RFX7: variants seen among roughly 807,000 people sequenced by gnomAD.
RFX7 encodes DNA-binding protein RFX7.
RFX7 carries 26 observed loss-of-function variants against 111.8 expected under a neutral mutation model. The observed-to-expected ratio is 0.23, with a 90% CI of 0.17 to 0.32. The LOEUF (loss-of-function observed/expected upper bound fraction) is 0.32. RFX7 is among the 10% of genes least tolerant of loss of function. The pLI is 1.00. For synonymous variants in RFX7, 624 were observed against 624.4 expected (o/e 1.00, Z 0.01); for missense variants, 1,573 against 1,772.9 (o/e 0.89, Z 2.02).
chr15:56,168,495 T>C (rs1230115556), intron 3 of RFX7, among the ~76,000 whole-genome samples: 1 of 152,220 alleles, frequency 6.6e-6, no homozygotes. Context: ...AAGCTGGCGA[T>C]AGCATAGTAC....
chr15:56,099,240 C>T (rs958219229), intron 8 of RFX7, among the ~76,000 whole-genome samples: 4 of 152,084 alleles, frequency 2.6e-5, no homozygotes, highest in Admixed American at 2.6e-4. Flanking sequence ...GTACACCTTG[C>T]CCTTTCTTTT....
In RFX7 at chr15:56,094,683, G is replaced by T. The variant is rs745436008; in HGVS notation, c.3045C>A (p.Pro1015=). The T allele has an allele frequency of 2.5e-6, 4 of 1,613,608 alleles. No individual in the cohort carries two copies. Among genetic ancestry groups the T allele is most frequent in the Non-Finnish European group, 2.5e-6 (3 of 1,179,776 alleles). ...PHSNCSSSVP[P]SPVECRNPFA... ...ACGGATTCCTGCATTCAACAGGGCT[G>T]GGGGGGACACTACTGCTGCAGTTAG... Residue 1015 remains proline (P), a synonymous_variant, in exon 10 of 10, where the codon CCC becomes CCA. Transcript: ENST00000559447.
intron 2 of RFX7, among the ~76,000 whole-genome samples, chr15:56,240,877 T>A (rs569385181): frequency 2.6e-5 from 4 of 152,164 alleles, no homozygotes; most frequent in Non-Finnish European, 5.9e-5. Context: ...TATATACTAT[T>A]TCTTAGGAAT....
rs570959894 is a variant in RFX7, at chr15:56,141,990, G to A, written c.401+788C>T. 3.0e-4 allele frequency among the ~76,000 whole-genome samples: 45 copies of A among 151,862 alleles called. 1 individual carries two copies. In the South Asian group the frequency reaches 8.5e-3, roughly 29 times the overall value. ...AATCTCAATAAGTACAATTTCCTTC[G>A]CATTACCTTACACTGGTTAGCAATA... On this transcript the variant is annotated intron_variant, in intron 5 of 9. Coordinates refer to ENST00000559447, the MANE Select transcript of RFX7 (RefSeq NM_022841.7).
intron 5 of RFX7, among the ~76,000 whole-genome samples, chr15:56,125,980 A>G (rs2042140135): frequency 6.6e-6 from 1 of 152,132 alleles, no homozygotes; most frequent in African/African-American, 2.4e-5. Context: ...TTCATAGTTT[A>G]TGCTTTTTAC....
At chr15:56,132,212 A>G (rs1302767108) in intron 5 of RFX7, among the ~76,000 whole-genome samples, 3 of 152,104 alleles carry the variant, frequency 2.0e-5, no homozygotes, top group Non-Finnish European at 2.9e-5. Context: ...TTTTAAAATC[A>G]GAAAACTGAT....
At position 56,094,211 on chromosome 15, in the gene RFX7, G is replaced by A. The variant is rs367881364; in HGVS notation, c.3517C>T (p.Arg1173Cys). ...GTGCTTCCACTAAGATTACGTTGGC[G>A]ATGAACAGCAGGGCTCACACTCCGG... ...RCRSVSPAVH[R>C]QRNLSGSTLY... The change falls in exon 10 of 10, where the codon CGC (arginine) becomes TGC (cysteine). Residue 1173 changes from arginine (R) to cysteine (C), a missense_variant. By Grantham distance (180) the Arg-to-Cys change is radical. Transcript: ENST00000559447. 13 of 1,613,860 alleles carry A rather than the reference G, an allele frequency of 8.1e-6. No individual in the cohort carries two copies. The highest frequency in any genetic ancestry group is 1.1e-5 in the Non-Finnish European group (13 of 1,179,870).
chr15:56,123,788 A>C (rs2042107320), intron 5 of RFX7, among the ~76,000 whole-genome samples: 1 of 152,140 alleles, frequency 6.6e-6, no homozygotes, highest in South Asian at 2.1e-4. Flanking sequence ...GCTGGTCTGA[A>C]TGCTCTTTCC....
intron 3 of RFX7, among the ~76,000 whole-genome samples, chr15:56,158,311 G>A (rs749385754): frequency 2.3e-4 from 35 of 152,032 alleles, no homozygotes; most frequent in South Asian, 2.1e-4. Flanking sequence ...AAAACACAGC[G>A]ACAAAATGCT....
At chr15:56,141,656 A>AATATATATATATATATAT (rs368258249) in intron 5 of RFX7, among the ~76,000 whole-genome samples, 1,039 of 83,068 alleles carry the variant, frequency 0.013, 85 homozygotes, top group African/African-American at 0.028. Flanking sequence ...GCTTACTCTA[A>AATATATATATATATATAT]ATATATATAT....
intron 2 of RFX7, among the ~76,000 whole-genome samples, chr15:56,189,356 GACA>G (rs1357262528): frequency 6.6e-6 from 1 of 151,636 alleles, no homozygotes; most frequent in East Asian, 1.9e-4. Context: ...ATTCACCCAG[GACA>G]ACAGAACAAG....
intron 5 of RFX7, among the ~76,000 whole-genome samples, chr15:56,118,100 T>C (rs1385786493): frequency 6.6e-6 from 1 of 152,144 alleles, no homozygotes; most frequent in Non-Finnish European, 1.5e-5. Flanking sequence ...GTATATGGGA[T>C]ACTCTGATAT....
Position 56,217,523 on chromosome 15 carries a change from C to T in RFX7, c.161+25602G>A, listed in dbSNP as rs78969208. On this transcript the variant is annotated intron_variant, in intron 2 of 9. Transcript: ENST00000559447. ...TTGTGTGATTGCTTTCTCTTGATGTCATAAAGGAATGCATGTACTATTATA... is the reference window on the plus strand; with the variant it reads ...TTGTGTGATTGCTTTCTCTTGATGTTATAAAGGAATGCATGTACTATTATA... Among the ~76,000 whole-genome samples the T allele has an allele frequency of 4.1e-4, 62 of 151,132 alleles. No individual in the cohort carries two copies. The East Asian group carries it at 8.0e-3, about 19-fold the overall frequency.
At chr15:56,104,627 T>C (rs1278091728) in intron 5 of RFX7, among the ~76,000 whole-genome samples, 2 of 152,238 alleles carry the variant, frequency 1.3e-5, no homozygotes, top group Non-Finnish European at 2.9e-5. Context: ...CTGAATGTCC[T>C]GATAACATCC....
chr15:56,156,306 T>C (rs995593260), intron 3 of RFX7, among the ~76,000 whole-genome samples: 1 of 152,122 alleles, frequency 6.6e-6, no homozygotes, highest in Non-Finnish European at 1.5e-5. Context: ...AAATTAAAAC[T>C]ACAAAGTATT....
chr15:56,173,343 A>G (rs2042866050), intron 3 of RFX7, among the ~76,000 whole-genome samples: 1 of 152,226 alleles, frequency 6.6e-6, no homozygotes, highest in South Asian at 2.1e-4. Context: ...AGAAGAACAA[A>G]CTTCAATACA....
intron 2 of RFX7, among the ~76,000 whole-genome samples, chr15:56,182,070 T>C (rs891726747): frequency 4.6e-5 from 7 of 152,224 alleles, no homozygotes; most frequent in African/African-American, 1.4e-4. Context: ...CACTATCTAG[T>C]TGCAGAAAAA....
chr15:56,089,472 G>C lies in RFX7; in HGVS notation c.*3873C>G, dbSNP rs1194055243. The C allele has an allele frequency of 1.3e-5, 2 of 152,156 alleles. No homozygotes were observed. The highest frequency in any genetic ancestry group is 4.8e-5 in the African/African-American group (2 of 41,416). 9.4% of individuals were successfully genotyped at this position (152,156 alleles called of 1,614,324 possible). A position where few individuals can be genotyped will look rare whatever the true frequency, so the allele number is the denominator to read the frequency against. ...TAAGCTAAAAGTAAGTGTCCTTATGGTTTAAGCCAGTGTTGGGTTTTCAAT... is the reference window on the plus strand; with the variant it reads ...TAAGCTAAAAGTAAGTGTCCTTATGCTTTAAGCCAGTGTTGGGTTTTCAAT... On this transcript the variant is annotated 3_prime_UTR_variant, in exon 10 of 10. Transcript: ENST00000559447.
At chr15:56,122,628 T>G (rs1278342893) in intron 5 of RFX7, among the ~76,000 whole-genome samples, 1 of 152,128 alleles carries the variant, frequency 6.6e-6, no homozygotes, top group African/African-American at 2.4e-5. Flanking sequence ...GGGTTGTGAG[T>G]TGCCCCAGAC....
Sources: allele counts gnomAD v4.1 joint callset (sites outside exome capture counted in the v4.1 genomes callset), GRCh38; gene constraint gnomAD v4.1.1; transcripts MANE v1.5; gene names NCBI Gene and HGNC (gene_info 2026-07-23, HGNC 2026-07-21).